UBTF: variants seen among roughly 807,000 people sequenced by gnomAD.
The protein encoded by UBTF is upstream binding transcription factor.
A neutral mutation model predicts 112.3 loss-of-function variants in UBTF; 8 were observed. That is an observed-to-expected ratio of 0.07 (90% CI 0.04 to 0.13). UBTF has a LOEUF of 0.13. Among genes scored for constraint, UBTF ranks in the 10% least tolerant of loss-of-function variants. UBTF has a pLI of 1.00. For synonymous variants in UBTF, 417 were observed against 373.1 expected (o/e 1.12, Z -1.36); for missense variants, 457 against 982.1 (o/e 0.47, Z 7.15).
At chr17:44,220,637 C>T (rs529636343), upstream of UBTF, 1 of 152,348 alleles carries the variant, frequency 6.6e-6, no homozygotes, top group South Asian at 2.1e-4. Flanking sequence ...TCAATCCAGC[C>T]CGGCATGGTT....
In UBTF at chr17:44,207,776, G is replaced by C; in HGVS notation, c.1954-6C>G. ...TTGGTCATGCTCTTACGTTTCTGCA[G>C]GATGGGGACACAAAGGTGGCAGCCA... is the stretch of plus-strand genomic sequence containing the variant. On this transcript the variant is annotated splice_region_variant and splice_polypyrimidine_tract_variant and intron_variant, in intron 18 of 20. Transcript: ENST00000436088. 6.2e-7 allele frequency: 1 copy of C among 1,614,158 alleles called. No individual in the cohort carries two copies. The highest frequency in any genetic ancestry group is 8.5e-7 in the Non-Finnish European group (1 of 1,180,038).
intron 5 of UBTF, among the ~76,000 whole-genome samples, chr17:44,213,664 T>C (rs374721561): frequency 9.8e-5 from 15 of 152,338 alleles, no homozygotes; most frequent in African/African-American, 2.2e-4. Context: ...GCCTTGCTCC[T>C]GTCACTCCCT....
In UBTF at chr17:44,209,315, CCT is replaced by C. The variant is rs759410896; in HGVS notation, c.1905+35_1905+36del. The C allele has an allele frequency of 7.7e-6, 12 of 1,549,292 alleles. No individual in the cohort carries two copies. The South Asian group carries it at 1.5e-4, about 19-fold the overall frequency. ...AGGATGGTGCTGGCTTAGTCTGATG[CCT>C]CTCTGTTCCTTCCAAGGGTCCCTTG... is the stretch of plus-strand genomic sequence containing the variant. On this transcript the variant is annotated intron_variant, in intron 17 of 20. Coordinates refer to ENST00000436088, the MANE Select transcript of UBTF (RefSeq NM_014233.4).
At chr17:44,217,747 C>A (rs1434013696) in intron 2 of UBTF, among the ~76,000 whole-genome samples, 4 of 152,154 alleles carry the variant, frequency 2.6e-5, no homozygotes, top group African/African-American at 9.7e-5. Flanking sequence ...TGGCTTGGGG[C>A]CTAAAACCAC....
intron 5 of UBTF, among the ~76,000 whole-genome samples, chr17:44,213,877 T>C (rs2046707629): frequency 6.6e-6 from 1 of 151,944 alleles, no homozygotes; most frequent in Non-Finnish European, 1.5e-5. Flanking sequence ...CACCTTCTTC[T>C]CTTTCTCCAG....
In UBTF at chr17:44,216,003, G is replaced by A. The variant is rs777946654; in HGVS notation, c.235-14C>T. The A allele has an allele frequency of 3.1e-6, 5 of 1,608,262 alleles. No homozygotes were observed. In the South Asian group the frequency reaches 3.3e-5, roughly 11 times the overall value. On this transcript the variant is annotated splice_polypyrimidine_tract_variant and intron_variant, in intron 3 of 20. Transcript: ENST00000436088. ...GAACTTCCTCACCTGGAGGAAGAGGGGTGGGAGGAAGGGGAAGTTGGGAAA... is the reference window on the plus strand; with the variant it reads ...GAACTTCCTCACCTGGAGGAAGAGGAGTGGGAGGAAGGGGAAGTTGGGAAA...
rs144482905 is a variant in UBTF, at chr17:44,212,900, C to T, written c.579G>A (p.Ser193=). The stretch of plus-strand genomic sequence containing the variant: ...GGGTTTTGGGCTTCTCTGGGATGTC[C>T]GATTTCTTGGCATTCTGGATTAGGT... The part of the protein sequence containing the change: ...HPDLIQNAKK[S]DIPEKPKTPQ... The change falls in exon 7 of 21, where the codon TCG becomes TCA. Residue 193 remains serine (S), a synonymous_variant. Coordinates refer to ENST00000436088, the MANE Select transcript of UBTF (RefSeq NM_014233.4). 23 of 1,614,078 alleles carry T rather than the reference C, an allele frequency of 1.4e-5. No homozygotes were observed. The highest frequency in any genetic ancestry group is 1.7e-4 in the Middle Eastern group (1 of 6,060).
chr17:44,217,275 T>C (rs909111407), intron 2 of UBTF, among the ~76,000 whole-genome samples: 5 of 152,030 alleles, frequency 3.3e-5, no homozygotes, highest in African/African-American at 1.2e-4. Context: ...CAAGGGAGAA[T>C]TTCTGGCAAA....
Position 44,206,883 on chromosome 17 carries a change from G to A in UBTF, c.*359C>T, listed in dbSNP as rs573747907. 1 of 374,740 alleles carries A rather than the reference G, an allele frequency of 2.7e-6. No individual in the cohort carries two copies. The highest frequency in any genetic ancestry group is 4.8e-6 in the Non-Finnish European group (1 of 209,212). 23.2% of individuals were successfully genotyped at this position (374,740 alleles called of 1,614,324 possible). On this transcript the variant is annotated 3_prime_UTR_variant, in exon 21 of 21. Transcript: ENST00000436088. ...CACCTTGGATTGGGCCGCAGGTGTG[G>A]AGGGCCTCATCAAACTCTTTGGGAC... is the stretch of plus-strand genomic sequence containing the variant.
In UBTF at chr17:44,219,650, C is replaced by T. The variant is rs560483238; in HGVS notation, c.-273G>A. On this transcript the variant is annotated 5_prime_UTR_variant, in exon 1 of 21. Coordinates refer to ENST00000436088, the MANE Select transcript of UBTF (RefSeq NM_014233.4). Reference sequence around the variant, plus strand: ...CGGCGGCGGCGGCTGTGGCTGCTGCCTGCTGCTCCTCGCGGCGAAAAGCAC... The same window carrying T: ...CGGCGGCGGCGGCTGTGGCTGCTGCTTGCTGCTCCTCGCGGCGAAAAGCAC... 8.3e-4 allele frequency: 134 copies of T among 160,664 alleles called. 3 individuals are homozygous for T. In the East Asian group the frequency reaches 0.018, roughly 22 times the overall value. The allele number at this position is 160,664 out of a possible 1,614,324, so 10.0% of individuals were successfully genotyped here.
rs376800351 is a variant in UBTF at position 44,210,958 on chromosome 17, G to A, written c.1204-11C>T. On this transcript the variant is annotated splice_polypyrimidine_tract_variant and intron_variant, in intron 12 of 20. Transcript: ENST00000436088. ...CTTCTCGGAGCCGCCCTGTCCAGGT[G>A]CAGAGGGTCGGGGTCCGTGGGTGCT... 9.4e-6 allele frequency: 15 copies of A among 1,603,752 alleles called. No homozygotes were observed. In the African/African-American group the frequency reaches 1.9e-4, roughly 20 times the overall value.
upstream of UBTF, among the ~76,000 whole-genome samples, chr17:44,220,123 C>T (rs1356657736): frequency 7.1e-6 from 1 of 140,938 alleles, no homozygotes; most frequent in East Asian, 2.1e-4. Context: ...CGCAGCCGCC[C>T]GGATGGCGGC....
At chr17:44,220,786 C>G (rs2047151496), upstream of UBTF, 1 of 151,960 alleles carries the variant, frequency 6.6e-6, no homozygotes, top group Admixed American at 6.5e-5. Context: ...GGGAGCACGG[C>G]GGGCCGAACA....
At chr17:44,220,935 C>A, upstream of UBTF, 2 of 149,140 alleles carry the variant, frequency 1.3e-5, no homozygotes, top group South Asian at 3.6e-4. Context: ...GCCCGCCCGC[C>A]CGCCTCGGCG....
intron 8 of UBTF, 26 bp from the exon 9 acceptor site, chr17:44,212,032 G>A (rs2056712995): frequency 6.2e-7 from 1 of 1,609,028 alleles, no homozygotes; most frequent in African/African-American, 1.3e-5. Flanking sequence ...GGGGGACGGA[G>A]GGCAATGGGG....
chr17:44,211,239 C>T lies in UBTF; in HGVS notation c.1089+51G>A. 6.2e-7 allele frequency: 1 copy of T among 1,614,146 alleles called. No homozygotes were observed. The highest frequency in any genetic ancestry group is 8.5e-7 in the Non-Finnish European group (1 of 1,180,024). Reference sequence around the variant, plus strand: ...CTCCAGGGGCTCACCAGGGCTCTGCCTGCCAAGTCCCAGTCTTCTCTGCCC... The same window carrying T: ...CTCCAGGGGCTCACCAGGGCTCTGCTTGCCAAGTCCCAGTCTTCTCTGCCC... On this transcript the variant is annotated intron_variant, in intron 11 of 20. Transcript: ENST00000436088. This position sits in a 1 kb window ranked among gnomAD's most constrained non-coding sequence, Gnocchi z 4.9.
chr17:44,215,898 T>C lies in UBTF; in HGVS notation c.318+8A>G. The C allele has an allele frequency of 6.2e-7, 1 of 1,614,074 alleles. No individual in the cohort carries two copies. The highest frequency in any genetic ancestry group is 8.5e-7 in the Non-Finnish European group (1 of 1,179,900). ...ATACCCCTCATGCTCCTCCTCCTAG[T>C]AACTCACCTTGAGTTTTTTGCCTTT... On this transcript the variant is annotated splice_region_variant and intron_variant, in intron 4 of 20. Transcript: ENST00000436088.
chr17:44,220,012 AG>A (rs1195390870), upstream of UBTF, among the ~76,000 whole-genome samples: 5 of 102,138 alleles, frequency 4.9e-5, no homozygotes, highest in African/African-American at 2.0e-4. Context: ...GGAAGGAAGG[AG>A]GGGAGGGGGG....
upstream of UBTF, chr17:44,219,776 GGGAGGAGGAGGGAGAAGGGA>G (rs1309116400): frequency 3.3e-5 from 5 of 152,956 alleles, no homozygotes; most frequent in Non-Finnish European, 7.3e-5. Context: ...CGCCGGAGCG[GGGAGGAGGAGGGAGAAGGGA>G]GGAGGAGGAG....
Sources: allele counts gnomAD v4.1 joint callset (sites outside exome capture counted in the v4.1 genomes callset), GRCh38; gene constraint gnomAD v4.1.1; non-coding constraint Gnocchi (gnomAD v3.1); transcripts MANE v1.5; gene names NCBI Gene and HGNC (gene_info 2026-07-23, HGNC 2026-07-21).